Variants in APP observed in about 807,000 individuals in gnomAD.
APP encodes amyloid-beta precursor protein.
Under a neutral mutation model 101.4 loss-of-function variants are expected in APP, and 31 were observed. The ratio of observed to expected loss-of-function variants is 0.31; its 90% CI spans 0.23 to 0.41. The LOEUF is 0.41. Among genes scored for constraint, APP ranks in the 10% least tolerant of loss-of-function variants. APP has a pLI of 1.00. For missense variants in APP, 839 were observed against 1,003.7 expected (o/e 0.84, Z 2.22); for synonymous variants, 366 against 364.4 (o/e 1.00, Z -0.05).
At chr21:25,959,753 A>AT (rs1230638844) in intron 11 of APP, among the ~76,000 whole-genome samples, 1 of 152,236 alleles carries the variant, frequency 6.6e-6, no homozygotes, top group East Asian at 1.9e-4. Context: ...TGGATAAAGG[A>AT]TTAGGATTAC....
chr21:26,027,466 A>T (rs1276506299), intron 5 of APP, among the ~76,000 whole-genome samples: 5 of 152,222 alleles, frequency 3.3e-5, no homozygotes, highest in Non-Finnish European at 5.9e-5. Context: ...TACTGCTACT[A>T]AATTAGGAAA....
At chr21:26,116,569 A>G (rs985568899) in intron 1 of APP, among the ~76,000 whole-genome samples, 2 of 152,158 alleles carry the variant, frequency 1.3e-5, no homozygotes, top group Non-Finnish European at 2.9e-5. Context: ...GTTATCATCT[A>G]GGAGATCAAA....
chr21:26,089,728 T>C, intron 3 of APP: 1 of 541,820 alleles, frequency 1.8e-6, no homozygotes, highest in East Asian at 3.6e-5. Flanking sequence ...ATATACACCC[T>C]GGGTAAATTC....
rs527907468 is a variant in APP, at chr21:26,153,787, T to C, written c.57+16777A>G. Reference sequence around the variant, plus strand: ...AAGCCTTGCCACAGATGAGAAGTCCTGAGGATCAAACAGGAAAACTTTAAG... The same window carrying C: ...AAGCCTTGCCACAGATGAGAAGTCCCGAGGATCAAACAGGAAAACTTTAAG... On this transcript the variant is annotated intron_variant, in intron 1 of 17. Coordinates refer to ENST00000346798, the MANE Select transcript of APP (RefSeq NM_000484.4). 2.0e-5 allele frequency among the ~76,000 whole-genome samples: 3 copies of C among 152,334 alleles called. No individual in the cohort carries two copies. The South Asian group carries it at 6.2e-4, about 32-fold the overall frequency.
At chr21:25,970,077 GATCA>G (rs2041973716) in intron 11 of APP, among the ~76,000 whole-genome samples, 1 of 151,904 alleles carries the variant, frequency 6.6e-6, no homozygotes, top group East Asian at 1.9e-4. Flanking sequence ...GGAATCCTTA[GATCA>G]ATCAACAACA....
At chr21:25,959,388 C>A (rs904004004) in intron 11 of APP, among the ~76,000 whole-genome samples, 1 of 152,154 alleles carries the variant, frequency 6.6e-6, no homozygotes, top group Non-Finnish European at 1.5e-5. Flanking sequence ...ACCTGAGATT[C>A]CACCACTGCA....
chr21:26,010,337 T>G (rs754484804), intron 6 of APP, among the ~76,000 whole-genome samples: 1 of 152,234 alleles, frequency 6.6e-6, no homozygotes, highest in Non-Finnish European at 1.5e-5. Context: ...TGTTTCTAAA[T>G]AAAGCTACTA....
At chr21:26,127,352 A>G (rs939820977) in intron 1 of APP, among the ~76,000 whole-genome samples, 20 of 152,222 alleles carry the variant, frequency 1.3e-4, no homozygotes, top group Admixed American at 1.3e-3. Context: ...TTTCATAATG[A>G]ACAACTTAGA....
intron 5 of APP, among the ~76,000 whole-genome samples, chr21:26,038,649 A>C (rs185071121): frequency 7.9e-4 from 121 of 152,288 alleles, no homozygotes; most frequent in African/African-American, 2.7e-3. Flanking sequence ...CCGTAATCCC[A>C]GCTACTTGGG....
At chr21:26,057,492 CA>C (rs1328252729) in intron 3 of APP, among the ~76,000 whole-genome samples, 7 of 152,044 alleles carry the variant, frequency 4.6e-5, no homozygotes, top group African/African-American at 1.5e-4. Context: ...CACACACACA[CA>C]CACACACCCA....
intron 5 of APP, among the ~76,000 whole-genome samples, chr21:26,041,478 A>G (rs1276600948): frequency 6.6e-6 from 1 of 152,222 alleles, no homozygotes; most frequent in Non-Finnish European, 1.5e-5. Flanking sequence ...ACTGGAGGGA[A>G]GAAAAGAGTC....
chr21:25,955,611 T>C lies in APP; in HGVS notation c.1587+16A>G. 9 of 1,613,956 alleles carry C rather than the reference T, an allele frequency of 5.6e-6. No individual in the cohort carries two copies. Among genetic ancestry groups the C allele is most frequent in the South Asian group, 1.1e-5 (1 of 91,058 alleles). ...GATTGTCAAAGCTGCAGAAGATGATTATACCCCACGCTTACCTGGGACCGG... is the reference window on the plus strand; with the variant it reads ...GATTGTCAAAGCTGCAGAAGATGATCATACCCCACGCTTACCTGGGACCGG... On this transcript the variant is annotated intron_variant, in intron 12 of 17. Transcript: ENST00000346798.
chr21:26,050,935 A>G, intron 5 of APP, 65 bp downstream of exon 5: 1 of 1,572,784 alleles, frequency 6.4e-7, no homozygotes, highest in Non-Finnish European at 8.7e-7. Context: ...ATTAATTTAC[A>G]GGATACAAAT....
chr21:26,131,169 C>A (rs977394502), intron 1 of APP, among the ~76,000 whole-genome samples: 1 of 152,070 alleles, frequency 6.6e-6, no homozygotes, highest in Non-Finnish European at 1.5e-5. Context: ...GCGGAGGTTG[C>A]GGTGAGCCAA....
chr21:25,914,547 G>A (rs1440346156), intron 13 of APP, among the ~76,000 whole-genome samples: 2 of 135,806 alleles, frequency 1.5e-5, no homozygotes, highest in Non-Finnish European at 3.0e-5. Context: ...GCCACAAGGC[G>A]CCTTTTTTTT....
chr21:26,123,693 A>G (rs1601520678), intron 1 of APP, among the ~76,000 whole-genome samples: 1 of 152,172 alleles, frequency 6.6e-6, no homozygotes, highest in Non-Finnish European at 1.5e-5. Context: ...GAAGACTCTT[A>G]TTTCTATTTT....
chr21:25,891,629 A>G (rs1372080959), intron 17 of APP, 93 bp downstream of exon 17: 5 of 1,294,294 alleles, frequency 3.9e-6, no homozygotes, highest in South Asian at 2.4e-5. Flanking sequence ...CGTTTTTTAA[A>G]AGAGATACTT....
At chr21:26,163,419 A>T (rs781755037) in intron 1 of APP, among the ~76,000 whole-genome samples, 2 of 152,146 alleles carry the variant, frequency 1.3e-5, no homozygotes, top group African/African-American at 2.4e-5. Context: ...GACCTTAAGG[A>T]ATCACTGCAC....
intron 1 of APP, among the ~76,000 whole-genome samples, chr21:26,128,317 A>T (rs1388276349): frequency 6.6e-6 from 1 of 152,224 alleles, no homozygotes; most frequent in Non-Finnish European, 1.5e-5. Flanking sequence ...GTCTGATATA[A>T]GGTTCATGAA....
Sources: allele counts gnomAD v4.1 joint callset (sites outside exome capture counted in the v4.1 genomes callset), GRCh38; gene constraint gnomAD v4.1.1; transcripts MANE v1.5; gene names NCBI Gene and HGNC (gene_info 2026-07-23, HGNC 2026-07-21).